The following TMEM132B variants were observed in gnomAD, a reference collection of about 807,000 sequenced individuals.
TMEM132B encodes transmembrane protein 132B.
Under a neutral mutation model 90.8 loss-of-function variants are expected in TMEM132B, and 18 were observed. That is an observed-to-expected ratio of 0.20 (90% confidence interval 0.14 to 0.29). TMEM132B has a LOEUF of 0.29. Ranked by LOEUF, TMEM132B falls within the 10% of genes least tolerant of loss-of-function variation. The probability of loss-of-function intolerance (pLI) is 1.00; values close to 1 mark genes in which losing one functional copy is unlikely to be tolerated. For missense variants in TMEM132B, 1,096 were observed against 1,326.8 expected (o/e 0.83, Z 2.70); for synonymous variants, 504 against 523.3 (o/e 0.96, Z 0.50).
At chr12:125,291,005 T>TG (rs11434279) in intron 1 of TMEM132B, among the ~76,000 whole-genome samples, 20,752 of 152,156 alleles carry the variant, frequency 0.14, 1,584 homozygotes, top group African/African-American at 0.2. Context: ...TCCATACCAC[T>TG]TAATCCTTCC....
intron 3 of TMEM132B, among the ~76,000 whole-genome samples, chr12:125,485,897 CTT>C (rs1882188080): frequency 6.6e-6 from 1 of 152,172 alleles, no homozygotes; most frequent in Non-Finnish European, 1.5e-5. Flanking sequence ...ACCTCGATGT[CTT>C]TTTCTTTTTA....
At chr12:125,281,077 A>G (rs1875155271) in intron 1 of TMEM132B, among the ~76,000 whole-genome samples, 1 of 152,096 alleles carries the variant, frequency 6.6e-6, no homozygotes, top group Non-Finnish European at 1.5e-5. Flanking sequence ...TGGGGTGGAG[A>G]GGGGTGAGAA....
intron 1 of TMEM132B, among the ~76,000 whole-genome samples, chr12:125,252,709 A>G (rs2136103528): frequency 6.6e-6 from 1 of 152,300 alleles, no homozygotes; most frequent in African/African-American, 2.4e-5. Context: ...CCACACAGAC[A>G]AGCCCAGGGT....
intron 1 of TMEM132B, among the ~76,000 whole-genome samples, chr12:125,275,136 C>T (rs997807432): frequency 6.6e-5 from 10 of 152,150 alleles, no homozygotes; most frequent in Admixed American, 6.5e-5. Flanking sequence ...CCAGCTAACC[C>T]GGAACGTGGG....
chr12:125,448,079 A>G lies in TMEM132B; in HGVS notation c.1106+32402A>G, dbSNP rs117735914. On this transcript the variant is annotated intron_variant, in intron 3 of 8. Transcript: ENST00000682704. ...TCAGGAGTTTGAGACCAGCCTGGTA[A>G]AAGGTGAAACCCCATCTCTACTAAA... Among the ~76,000 whole-genome samples, 131 of 152,220 alleles carry G rather than the reference A, an allele frequency of 8.6e-4. 2 individuals are homozygous for G. The East Asian group carries it at 0.023, about 27-fold the overall frequency.
At chr12:125,323,675 T>C (rs1468776399) in intron 1 of TMEM132B, among the ~76,000 whole-genome samples, 1 of 152,134 alleles carries the variant, frequency 6.6e-6, no homozygotes, top group Non-Finnish European at 1.5e-5. Flanking sequence ...CACACCATGA[T>C]GCCTGGCTAA....
chr12:125,369,866 T>A (rs893942524), intron 2 of TMEM132B, among the ~76,000 whole-genome samples: 15 of 152,122 alleles, frequency 9.9e-5, no homozygotes, highest in African/African-American at 3.1e-4. Context: ...CTGGCCAACA[T>A]GGTGAAACCC....
At chr12:125,491,938 G>A (rs1438793027) in intron 3 of TMEM132B, among the ~76,000 whole-genome samples, 2 of 152,202 alleles carry the variant, frequency 1.3e-5, no homozygotes, top group Non-Finnish European at 2.9e-5. Context: ...TGGAAATGCC[G>A]ATATCCTTCT....
chr12:125,347,346 CAA>C (rs1247058082), intron 1 of TMEM132B, among the ~76,000 whole-genome samples: 1 of 152,072 alleles, frequency 6.6e-6, no homozygotes, highest in Non-Finnish European at 1.5e-5. Context: ...ATGAATCTAA[CAA>C]GGGACTGGCC....
chr12:125,213,308 G>C lies in TMEM132B; in HGVS notation c.67+26442G>C, dbSNP rs767369308. 8.5e-5 allele frequency among the ~76,000 whole-genome samples: 13 copies of C among 152,156 alleles called. No individual in the cohort carries two copies. Among genetic ancestry groups the C allele is most frequent in the Non-Finnish European group, 1.8e-4 (12 of 68,024 alleles). The stretch of plus-strand genomic sequence containing the variant: ...TTGTCTATCGGATATGCCACCTTTT[G>C]TTTATCCGTTCATCTGTTAGTGGGT... On this transcript the variant is annotated intron_variant, in intron 1 of 8. Coordinates refer to ENST00000682704, the MANE Select transcript of TMEM132B (RefSeq NM_001366854.1). The surrounding 1 kb of genome is among the most constrained non-coding windows in gnomAD (Gnocchi z 4.2).
chr12:125,528,196 T>G (rs913215464), intron 4 of TMEM132B, among the ~76,000 whole-genome samples: 1 of 152,216 alleles, frequency 6.6e-6, no homozygotes, highest in Non-Finnish European at 1.5e-5. Flanking sequence ...GTGTCCCTTC[T>G]TTAGGTTTTC....
chr12:125,649,211 C>T (rs1176283419), intron 6 of TMEM132B, among the ~76,000 whole-genome samples: 4 of 152,086 alleles, frequency 2.6e-5, no homozygotes, highest in Middle Eastern at 3.2e-3. Flanking sequence ...TTCAGGGAGG[C>T]GGAATGTCAT....
chr12:125,404,289 AC>A (rs1246737595), intron 2 of TMEM132B, among the ~76,000 whole-genome samples: 2 of 152,060 alleles, frequency 1.3e-5, no homozygotes, highest in Non-Finnish European at 2.9e-5. Flanking sequence ...TCTCTAGAGC[AC>A]CCCTTATGAA....
intron 2 of TMEM132B, among the ~76,000 whole-genome samples, chr12:125,405,210 C>T (rs1239535932): frequency 6.6e-6 from 1 of 152,230 alleles, no homozygotes; most frequent in Admixed American, 6.5e-5. Flanking sequence ...ATGCTTTTCC[C>T]CTACCTTCTG....
chr12:125,326,803 C>T (rs929192305), intron 1 of TMEM132B: 41 of 882,628 alleles, frequency 4.6e-5, no homozygotes, highest in Admixed American at 3.2e-4. Flanking sequence ...GCCTGTTCTC[C>T]GTGCACCCCT....
At chr12:125,257,353 C>G (rs150764177) in intron 1 of TMEM132B, among the ~76,000 whole-genome samples, 72 of 152,282 alleles carry the variant, frequency 4.7e-4, no homozygotes, top group African/African-American at 1.6e-3. Flanking sequence ...CCTGTTTCTA[C>G]CGTTGGTCAG....
chr12:125,297,949 C>G (rs933436315), intron 1 of TMEM132B, among the ~76,000 whole-genome samples: 1 of 152,202 alleles, frequency 6.6e-6, no homozygotes, highest in Non-Finnish European at 1.5e-5. Flanking sequence ...CAAGCATGCT[C>G]GCCTCCTAAG....
At chr12:125,511,649 G>A (rs549656465) in intron 3 of TMEM132B, among the ~76,000 whole-genome samples, 1 of 151,836 alleles carries the variant, frequency 6.6e-6, no homozygotes, top group South Asian at 2.1e-4. Context: ...TTAGGAGATC[G>A]AGAGCATCCT....
At chr12:125,389,891 TA>T (rs1878958873) in intron 2 of TMEM132B, among the ~76,000 whole-genome samples, 1 of 152,222 alleles carries the variant, frequency 6.6e-6, no homozygotes, top group Non-Finnish European at 1.5e-5. Context: ...AAGAAAACTT[TA>T]TATAGACATA....
Sources: gnomAD v4.1 joint callset for allele counts (sites outside exome capture counted in the v4.1 genomes callset) on GRCh38, gnomAD v4.1.1 for gene constraint, Gnocchi (gnomAD v3.1) non-coding constraint, MANE v1.5 for transcripts, NCBI Gene and HGNC (gene_info 2026-07-23, HGNC 2026-07-21) for gene names.